TREM1: variants seen among roughly 807,000 people sequenced by gnomAD.
TREM1 encodes the protein triggering receptor expressed on myeloid cells 1.
A neutral mutation model predicts 22.4 loss-of-function variants in TREM1; 16 were observed. That is an observed-to-expected ratio of 0.71 (90% confidence interval 0.48 to 1.08). The LOEUF (loss-of-function observed/expected upper bound fraction) is 1.08. TREM1 is among the 50% of genes least tolerant of loss of function. TREM1 has a pLI of 0.00. For synonymous variants in TREM1, 110 were observed against 111.6 expected (o/e 0.99, Z 0.09); for missense variants, 283 against 282.9 (o/e 1.00, Z 0.00).
rs1053360909 is a variant in TREM1 at position 41,275,938 on chromosome 6, C to T, written c.*187G>A. 7 of 590,248 alleles carry T rather than the reference C, an allele frequency of 1.2e-5. No homozygotes were observed. Among genetic ancestry groups the T allele is most frequent in the African/African-American group, 1.1e-4 (6 of 53,492 alleles). 36.6% of individuals were successfully genotyped at this position (590,248 alleles called of 1,614,324 possible). A position where few individuals can be genotyped will look rare whatever the true frequency, so the allele number is the denominator to read the frequency against. ...TTCTTTTCTGAGGCACAAATGCCCA[C>T]CCAAGATTATTAGAGGAACGAGGGC... On this transcript the variant is annotated 3_prime_UTR_variant, in exon 4 of 4. Coordinates refer to ENST00000244709, the MANE Select transcript of TREM1 (RefSeq NM_018643.5).
downstream of TREM1, among the ~76,000 whole-genome samples, chr6:41,267,692 A>C (rs2113965359): frequency 6.6e-6 from 1 of 152,304 alleles, no homozygotes; most frequent in East Asian, 1.9e-4. Flanking sequence ...CAGGAGTTCA[A>C]GACCAGCCTG....
chr6:41,271,642 G>T (rs185671176), downstream of TREM1, among the ~76,000 whole-genome samples: 1 of 152,154 alleles, frequency 6.6e-6, no homozygotes, highest in African/African-American at 2.4e-5. Flanking sequence ...AGTGCTGGGG[G>T]ATTGCTCTGC....
In TREM1 at chr6:41,285,533, G is replaced by A. The variant is rs535478247; in HGVS notation, c.49+1074C>T. Among the ~76,000 whole-genome samples the A allele has an allele frequency of 2.7e-4, 41 of 152,288 alleles. 1 individual carries two copies. The highest frequency in any genetic ancestry group is 7.9e-4 in the African/African-American group (33 of 41,554). On this transcript the variant is annotated intron_variant, in intron 1 of 3. Coordinates refer to ENST00000244709, the MANE Select transcript of TREM1 (RefSeq NM_018643.5). ...CTACATGGTCCAACACAGTCTGATA[G>A]GGATTAGAGAAGTCCTGGCCCAAGT...
chr6:41,282,665 C>G lies in TREM1; in HGVS notation c.136G>C (p.Glu46Gln), dbSNP rs1767983861. The part of the protein sequence containing the change: ...TLDVKCDYTL[E>Q]KFASSQKAWQ... The stretch of plus-strand genomic sequence containing the variant: ...GCTTTCTGGCTGCTGGCAAACTTCT[C>G]TAGCGTGTAGTCACATTTCACATCC... The change falls in exon 2 of 4, where the codon GAG (glutamate) becomes CAG (glutamine). Residue 46 changes from glutamate (E) to glutamine (Q), a missense_variant. By Grantham distance (29) the Glu-to-Gln change is conservative. Coordinates refer to ENST00000244709, the MANE Select transcript of TREM1 (RefSeq NM_018643.5). The G allele has an allele frequency of 1.4e-5, 22 of 1,614,216 alleles. No homozygotes were observed. The East Asian group carries it at 4.7e-4, about 34-fold the overall frequency.
intron 3 of TREM1, among the ~76,000 whole-genome samples, chr6:41,276,532 C>T (rs370778305): frequency 3.9e-5 from 6 of 152,112 alleles, no homozygotes; most frequent in African/African-American, 9.7e-5. Flanking sequence ...CCAGGAAACC[C>T]GCTCTCTATT....
chr6:41,279,180 A>G (rs1046938428), intron 3 of TREM1, among the ~76,000 whole-genome samples: 7 of 152,210 alleles, frequency 4.6e-5, no homozygotes, highest in African/African-American at 1.7e-4. Context: ...AATTCACCTT[A>G]GCCTTTAGTT....
intron 2 of TREM1, 126 bp downstream of exon 2, chr6:41,282,269 G>A (rs1287901102): frequency 1.4e-6 from 1 of 733,706 alleles, no homozygotes; most frequent in Admixed American, 2.3e-5. Context: ...CCTTAGATGA[G>A]AGATAAAGAG....
intron 2 of TREM1, chr6:41,282,095 G>A: frequency 3.2e-6 from 1 of 315,634 alleles, no homozygotes; most frequent in Non-Finnish European, 5.9e-6. Flanking sequence ...CCTTGGGAGG[G>A]GGAGTCAGGA....
Position 41,281,159 on chromosome 6 carries a change from A to G in TREM1, c.407-6T>C, listed in dbSNP as rs1767903517. ...GCCAGGGGTCCCTGAAAAACCTGCA[A>G]GAAGACACATTGGATGGATGGATGG... On this transcript the variant is annotated splice_polypyrimidine_tract_variant and splice_region_variant and intron_variant, in intron 2 of 3. Transcript: ENST00000244709. 1 of 1,612,598 alleles carries G rather than the reference A, an allele frequency of 6.2e-7. No individual in the cohort carries two copies. Among genetic ancestry groups the G allele is most frequent in the African/African-American group, 1.3e-5 (1 of 74,874 alleles).
chr6:41,276,736 A>G (rs1178061155), intron 3 of TREM1, among the ~76,000 whole-genome samples: 1 of 152,134 alleles, frequency 6.6e-6, no homozygotes, highest in Non-Finnish European at 1.5e-5. Flanking sequence ...GAGTGAGGGC[A>G]CTTGGCCAGT....
chr6:41,281,140 G>A lies in TREM1; in HGVS notation c.420C>T (p.Thr140=), dbSNP rs1767901115. Residue 140 remains threonine, a synonymous_variant, in exon 3 of 4, where the codon ACC becomes ACT. Coordinates refer to ENST00000244709, the MANE Select transcript of TREM1 (RefSeq NM_018643.5). ...RLVVTKGFSG[T]PGSNENSTQN... ...GGGTAGAATTCTCATTGGAGCCAGG[G>A]GTCCCTGAAAAACCTGCAAGAAGAC... 2.5e-6 allele frequency: 4 copies of A among 1,613,390 alleles called. No homozygotes were observed. The highest frequency in any genetic ancestry group is 2.2e-5 in the South Asian group (2 of 91,072).
At position 41,275,833 on chromosome 6, in the gene TREM1, A is replaced by G. The variant is rs1189687697; in HGVS notation, c.*292T>C. On this transcript the variant is annotated 3_prime_UTR_variant, in exon 4 of 4. Coordinates refer to ENST00000244709, the MANE Select transcript of TREM1 (RefSeq NM_018643.5). Reference sequence around the variant, plus strand: ...AGCCCCCACAAGAGAATTACGGTGAAAAGCATTGAGCTGTCTGTATTTCAT... The same window carrying G: ...AGCCCCCACAAGAGAATTACGGTGAGAAGCATTGAGCTGTCTGTATTTCAT... The G allele has an allele frequency of 7.0e-6, 3 of 428,970 alleles. No individual in the cohort carries two copies. Among genetic ancestry groups the G allele is most frequent in the Non-Finnish European group, 1.3e-5 (3 of 232,080 alleles). 26.6% of individuals were successfully genotyped at this position (428,970 alleles called of 1,614,324 possible).
chr6:41,279,639 A>G, intron 3 of TREM1: 1 of 985,360 alleles, frequency 1.0e-6, no homozygotes, highest in Non-Finnish European at 1.2e-6. Flanking sequence ...ATGGAGGTGG[A>G]GTCTACACTC....
chr6:41,284,474 C>T (rs574773168), intron 1 of TREM1, among the ~76,000 whole-genome samples: 5 of 152,168 alleles, frequency 3.3e-5, no homozygotes, highest in South Asian at 2.1e-4. Flanking sequence ...CCAAGCAGAG[C>T]GGAAGTGAGA....
rs1767575907 is a variant in TREM1, at chr6:41,274,139, C to T, written c.*1986G>A. Among the ~76,000 whole-genome samples, 1 of 152,196 alleles carries T rather than the reference C, an allele frequency of 6.6e-6. No homozygotes were observed. The highest frequency in any genetic ancestry group is 1.5e-5 in the Non-Finnish European group (1 of 68,032). On this transcript the variant is annotated 3_prime_UTR_variant, in exon 4 of 4. Coordinates refer to ENST00000244709, the MANE Select transcript of TREM1 (RefSeq NM_018643.5). The stretch of plus-strand genomic sequence containing the variant: ...ATAATAAGTTAAGCACACAAGCATG[C>T]ACTGGACCATGCAGTGGGTTATGTC...
chr6:41,284,842 G>T (rs1279236804), intron 1 of TREM1, among the ~76,000 whole-genome samples: 4 of 152,142 alleles, frequency 2.6e-5, no homozygotes, highest in African/African-American at 7.2e-5. Flanking sequence ...AGTTCTTCTG[G>T]GAGCAGACTC....
intron 2 of TREM1, chr6:41,281,822 C>G (rs566806707): frequency 6.3e-6 from 1 of 159,824 alleles, no homozygotes; most frequent in African/African-American, 2.4e-5. Context: ...GAATAGGGTA[C>G]AGATAAGTAA....
Position 41,280,949 on chromosome 6 carries a change from T to A in TREM1, c.599+12A>T. 5.0e-6 allele frequency: 8 copies of A among 1,614,182 alleles called. No homozygotes were observed. The highest frequency in any genetic ancestry group is 6.8e-6 in the Non-Finnish European group (8 of 1,180,038). On this transcript the variant is annotated intron_variant, in intron 3 of 3. Transcript: ENST00000244709. Reference sequence around the variant, plus strand: ...TGTCCAAACCAGGGGCCCAGGGACCTGGAAACTATACCTGATGATATCTGT... The same window carrying A: ...TGTCCAAACCAGGGGCCCAGGGACCAGGAAACTATACCTGATGATATCTGT...
downstream of TREM1, chr6:41,270,374 AT>A (rs991928087): frequency 6.8e-6 from 1 of 146,650 alleles, no homozygotes; most frequent in Non-Finnish European, 1.5e-5. Context: ...GTGATTAAGT[AT>A]TTCTGTGATT....
Sources: gnomAD v4.1 joint callset for allele counts (sites outside exome capture counted in the v4.1 genomes callset) on GRCh38, gnomAD v4.1.1 for gene constraint, MANE v1.5 for transcripts, NCBI Gene and HGNC (gene_info 2026-07-23, HGNC 2026-07-21) for gene names.